The following PDE11A variants were observed in gnomAD, a reference collection of about 807,000 sequenced individuals.
PDE11A encodes dual 3',5'-cyclic-AMP and -GMP phosphodiesterase 11A.
In PDE11A, 100 loss-of-function variants were observed where a neutral mutation model predicts 100.5. The ratio of observed to expected loss-of-function variants is 1.00; its 90% confidence interval spans 0.85 to 1.18. The LOEUF (loss-of-function observed/expected upper bound fraction) is 1.18. Ranked by LOEUF, PDE11A falls within the 50% of genes most tolerant of loss-of-function variation. PDE11A has a pLI of 0.00. For missense variants in PDE11A, 1,141 were observed against 1,152.6 expected (o/e 0.99, Z 0.15); for synonymous variants, 381 against 420.8 (o/e 0.91, Z 1.16).
At position 178,071,666 on chromosome 2, in the gene PDE11A, A is replaced by C; in HGVS notation, c.772T>G (p.Phe258Val). The part of the protein sequence containing the change: ...AGKKTLVSKF[F>V]DVHAGTPLLP... The stretch of plus-strand genomic sequence containing the variant: ...AGAGGTGTTCCTGCATGCACATCAA[A>C]GAATTTGGAGACCAAGGTCTTCTTG... Residue 258 changes from phenylalanine (F) to valine (V), a missense_variant, in exon 1 of 20, where the codon TTT becomes GTT. Phe to Val is a conservative substitution (Grantham distance 50). Coordinates refer to ENST00000286063, the MANE Select transcript of PDE11A (RefSeq NM_016953.4). The C allele has an allele frequency of 6.2e-7, 1 of 1,613,640 alleles. No individual in the cohort carries two copies. The highest frequency in any genetic ancestry group is 8.5e-7 in the Non-Finnish European group (1 of 1,179,526).
At chr2:177,940,635 C>A (rs1038130515) in intron 2 of PDE11A, among the ~76,000 whole-genome samples, 3 of 152,154 alleles carry the variant, frequency 2.0e-5, no homozygotes, top group Non-Finnish European at 4.4e-5. Flanking sequence ...AAGCAATTCA[C>A]TTTGCAAATA....
At chr2:177,902,345 C>T (rs1482214028) in intron 3 of PDE11A, among the ~76,000 whole-genome samples, 6 of 152,156 alleles carry the variant, frequency 3.9e-5, no homozygotes, top group Non-Finnish European at 8.8e-5. Flanking sequence ...CCACCCTTTG[C>T]TGACTCCTTT....
At chr2:178,021,413 C>T (rs1162590043) in intron 1 of PDE11A, among the ~76,000 whole-genome samples, 2 of 152,118 alleles carry the variant, frequency 1.3e-5, no homozygotes, top group African/African-American at 4.8e-5. Flanking sequence ...ATCGCTGATA[C>T]AATTATGTAC....
intron 19 of PDE11A, among the ~76,000 whole-genome samples, chr2:177,658,780 A>T (rs907823718): frequency 6.6e-6 from 1 of 151,876 alleles, no homozygotes; most frequent in African/African-American, 2.4e-5. Context: ...TTGCTTTTAA[A>T]GTACTTTCAT....
chr2:177,928,813 T>C (rs1184114501), intron 2 of PDE11A, among the ~76,000 whole-genome samples: 1 of 151,948 alleles, frequency 6.6e-6, no homozygotes, highest in Non-Finnish European at 1.5e-5. Context: ...CAGTCAGCCA[T>C]GATTGTGCCA....
chr2:177,801,975 G>A (rs1466153940), intron 9 of PDE11A, among the ~76,000 whole-genome samples: 1 of 143,476 alleles, frequency 7.0e-6, no homozygotes, highest in Non-Finnish European at 1.5e-5. Context: ...TCTGACCAGG[G>A]ACTAGTATCC....
intron 18 of PDE11A, among the ~76,000 whole-genome samples, chr2:177,667,737 T>C (rs1436159481): frequency 6.6e-6 from 1 of 152,184 alleles, no homozygotes; most frequent in Non-Finnish European, 1.5e-5. Context: ...AGATGGTGTC[T>C]TACTCATTGC....
chr2:177,910,531 G>A (rs1384851764), intron 2 of PDE11A, among the ~76,000 whole-genome samples: 1 of 151,300 alleles, frequency 6.6e-6, no homozygotes. Context: ...AACTAATTTG[G>A]CCTTCACTAT....
At chr2:177,810,345 A>T (rs1574164935) in intron 9 of PDE11A, among the ~76,000 whole-genome samples, 1 of 152,242 alleles carries the variant, frequency 6.6e-6, no homozygotes, top group African/African-American at 2.4e-5. Context: ...ATAAGACATG[A>T]TCACACACTT....
chr2:177,649,166 A>G (rs1527402), intron 19 of PDE11A, among the ~76,000 whole-genome samples: 118,756 of 152,058 alleles, frequency 0.78, 47,093 homozygotes, highest in East Asian at 0.9. Flanking sequence ...GACATTACTG[A>G]TAGGAATGTA....
At chr2:177,912,530 A>T (rs1332121059) in intron 2 of PDE11A, among the ~76,000 whole-genome samples, 1 of 152,144 alleles carries the variant, frequency 6.6e-6, no homozygotes, top group Non-Finnish European at 1.5e-5. Flanking sequence ...ATTTGGTCCT[A>T]TGTCCACCCC....
chr2:178,047,818 C>A (rs1470069783), intron 1 of PDE11A, among the ~76,000 whole-genome samples: 1 of 150,724 alleles, frequency 6.6e-6, no homozygotes, highest in African/African-American at 2.5e-5. Context: ...ATTTTCCTAA[C>A]CCCCCCATGT....
At chr2:177,796,301 A>G (rs758585707) in intron 9 of PDE11A, among the ~76,000 whole-genome samples, 1 of 152,032 alleles carries the variant, frequency 6.6e-6, no homozygotes, top group Non-Finnish European at 1.5e-5. Context: ...GGACGATGTC[A>G]TTCAGATTAT....
chr2:177,731,564 T>TGACGATTC (rs1397299819), intron 10 of PDE11A, among the ~76,000 whole-genome samples: 4 of 152,162 alleles, frequency 2.6e-5, no homozygotes, highest in African/African-American at 9.6e-5. Context: ...CCCTCTGCAC[T>TGACGATTC]GACGATTCCC....
chr2:177,809,180 GA>G (rs781383060), intron 9 of PDE11A, among the ~76,000 whole-genome samples: 68 of 152,286 alleles, frequency 4.5e-4, no homozygotes, highest in Non-Finnish European at 8.8e-4. Flanking sequence ...TCTGGAGATG[GA>G]TAGTGGTGAT....
At chr2:177,661,160 C>G (rs2080480726) in intron 19 of PDE11A, among the ~76,000 whole-genome samples, 1 of 152,212 alleles carries the variant, frequency 6.6e-6, no homozygotes, top group South Asian at 2.1e-4. Flanking sequence ...AGGGGACATG[C>G]TTTGTCTCAT....
chr2:177,818,427 C>T (rs2886499), intron 7 of PDE11A, among the ~76,000 whole-genome samples: 61,354 of 151,326 alleles, frequency 0.41, 14,247 homozygotes, highest in African/African-American at 0.64. Flanking sequence ...TTCAACTCCA[C>T]CATCAGGTGT....
intron 8 of PDE11A, 77 bp from the exon 9 acceptor site, chr2:177,816,998 C>T (rs2083050320): frequency 1.2e-6 from 1 of 816,618 alleles, no homozygotes; most frequent in Non-Finnish European, 2.2e-6. Flanking sequence ...AGGCAGCCAC[C>T]AGGGATGGGT....
chr2:177,765,274 T>A (rs1054959110), intron 10 of PDE11A, among the ~76,000 whole-genome samples: 2 of 152,244 alleles, frequency 1.3e-5, no homozygotes, highest in African/African-American at 4.8e-5. Flanking sequence ...AAGGGTAAGA[T>A]GGCATCAGCC....
Sources: allele counts gnomAD v4.1 joint callset (sites outside exome capture counted in the v4.1 genomes callset), GRCh38; gene constraint gnomAD v4.1.1; transcripts MANE v1.5; gene names NCBI Gene and HGNC (gene_info 2026-07-23, HGNC 2026-07-21).